The following MACF1 variants were observed in gnomAD, a reference collection of about 807,000 sequenced individuals.
The protein encoded by MACF1 is microtubule-actin cross-linking factor 1.
MACF1 carries 193 observed loss-of-function variants against 854.8 expected under a neutral mutation model. The observed-to-expected ratio is 0.23, with a 90% confidence interval of 0.20 to 0.25. MACF1 has a LOEUF of 0.25. Among genes scored for constraint, MACF1 ranks in the 10% least tolerant of loss-of-function variants. The pLI is 1.00. For missense variants in MACF1, 7,722 were observed against 8,929.1 expected (o/e 0.86, Z 5.45); for synonymous variants, 3,185 against 3,226.7 (o/e 0.99, Z 0.44).
intron 58 of MACF1, among the ~76,000 whole-genome samples, chr1:39,401,883 T>C (rs550465361): frequency 6.6e-6 from 1 of 152,342 alleles, no homozygotes; most frequent in South Asian, 2.1e-4. Context: ...AAATCTCTTC[T>C]CTCTGTATTA....
intron 18 of MACF1, among the ~76,000 whole-genome samples, chr1:39,294,609 A>C (rs548637118): frequency 3.3e-5 from 5 of 152,346 alleles, no homozygotes; most frequent in Admixed American, 3.3e-4. Context: ...GCTTCACAGA[A>C]GAGCTATTTA....
Position 39,331,401 on chromosome 1 carries a change from A to AAT in MACF1, c.4814_4815dup (p.Pro1606IlefsTer17). 1 of 1,613,998 alleles carries AAT rather than the reference A, an allele frequency of 6.2e-7. No individual in the cohort carries two copies. The highest frequency in any genetic ancestry group is 8.5e-7 in the Non-Finnish European group (1 of 1,179,994). On this transcript the variant is annotated frameshift_variant, in exon 37 of 101. Transcript: ENST00000564288. LOFTEE classifies it high-confidence loss of function. ...GGAGGGCATAGCCAGAAACCTCATT[A>AAT]ATCCCCAGATGTACCAGCAGCTCCG...
At chr1:39,111,587 T>C (rs1323236113) in intron 2 of MACF1, among the ~76,000 whole-genome samples, 1 of 152,076 alleles carries the variant, frequency 6.6e-6, no homozygotes, top group Non-Finnish European at 1.5e-5. Context: ...TTCACCGTGT[T>C]AGCCAGGATG....
intron 2 of MACF1, among the ~76,000 whole-genome samples, chr1:39,140,080 A>G (rs1398359159): frequency 1.3e-5 from 2 of 151,950 alleles, no homozygotes; most frequent in East Asian, 3.9e-4. Context: ...CAGCCTCCTG[A>G]GTAGCTAGGA....
At chr1:39,461,317 A>C (rs1413641743) in intron 92 of MACF1, among the ~76,000 whole-genome samples, 3 of 152,146 alleles carry the variant, frequency 2.0e-5, no homozygotes, top group African/African-American at 7.2e-5. Context: ...GGAGTGGATG[A>C]GTATATTCTT....
chr1:39,331,348 C>G lies in MACF1; in HGVS notation c.4760C>G (p.Pro1587Arg). 1.2e-6 allele frequency: 2 copies of G among 1,614,024 alleles called. No homozygotes were observed. Among genetic ancestry groups the G allele is most frequent in the Non-Finnish European group, 1.7e-6 (2 of 1,180,008 alleles). ...GTTATCATGTCTGGCCTCATTGCCC[C>G]TGAGACGGGTGAAAACCTCTCTTTG... ...SQVIMSGLIA[P>R]ETGENLSLEE... The change falls in exon 37 of 101, where the codon CCT (proline) becomes CGT (arginine). Residue 1587 changes from proline to arginine, a missense_variant. Pro to Arg is a moderately radical substitution (Grantham distance 103). Around this residue, in one of 15 missense-constraint regions of MACF1, gnomAD observed 1,531 missense variants for 1,601.6 expected, o/e 0.96. Transcript: ENST00000564288.
At chr1:39,375,286 C>T (rs973719851) in intron 52 of MACF1, among the ~76,000 whole-genome samples, 1 of 151,708 alleles carries the variant, frequency 6.6e-6, no homozygotes, top group African/African-American at 2.4e-5. Flanking sequence ...GACAGCTTCA[C>T]CATCTAATTT....
intron 58 of MACF1, chr1:39,414,584 T>G (rs911676764): frequency 1.3e-6 from 2 of 1,523,746 alleles, no homozygotes. Flanking sequence ...TTGTTCTTTT[T>G]GGGTCTCCCG....
intron 6 of MACF1, among the ~76,000 whole-genome samples, chr1:39,272,267 C>A (rs1371094061): frequency 6.6e-6 from 1 of 152,208 alleles, no homozygotes; most frequent in Non-Finnish European, 1.5e-5. Flanking sequence ...TCTCACTGGT[C>A]CCTGAAGGAA....
At chr1:39,206,080 CTTA>C (rs1252913349) in intron 1 of MACF1, among the ~76,000 whole-genome samples, 1 of 152,110 alleles carries the variant, frequency 6.6e-6, no homozygotes. Flanking sequence ...GATTTGATGG[CTTA>C]TTATTTAGCT....
At chr1:39,126,301 C>T (rs1213005628) in intron 2 of MACF1, among the ~76,000 whole-genome samples, 1 of 152,120 alleles carries the variant, frequency 6.6e-6, no homozygotes, top group South Asian at 2.1e-4. Flanking sequence ...GTTCTCTCAC[C>T]GCCTTCACAT....
chr1:39,406,893 G>A (rs1642737597), intron 58 of MACF1, among the ~76,000 whole-genome samples: 1 of 152,116 alleles, frequency 6.6e-6, no homozygotes, highest in South Asian at 2.1e-4. Context: ...TATTTGGCCA[G>A]GGATATTTGC....
At chr1:39,340,770 A>C (rs567541548) in intron 39 of MACF1, 34 bp from the exon 40 acceptor site, 2 of 1,611,926 alleles carry the variant, frequency 1.2e-6, no homozygotes, top group African/African-American at 2.7e-5. Flanking sequence ...TGGCTGGGAG[A>C]TTTTCATAAT....
intron 66 of MACF1, among the ~76,000 whole-genome samples, chr1:39,432,279 G>A (rs746802611): frequency 2.0e-5 from 3 of 152,184 alleles, no homozygotes; most frequent in Non-Finnish European, 4.4e-5. Flanking sequence ...TTCTTTTGAA[G>A]GGGATTGATA....
chr1:39,310,211 T>C (rs1052974944), intron 24 of MACF1, 34 bp from the exon 25 acceptor site: 10 of 1,552,826 alleles, frequency 6.4e-6, no homozygotes, highest in Non-Finnish European at 7.9e-6. Flanking sequence ...ACATTTTTAT[T>C]CTGTTGCAAT....
At chr1:39,241,346 G>T (rs751957001) in intron 2 of MACF1, among the ~76,000 whole-genome samples, 2 of 152,096 alleles carry the variant, frequency 1.3e-5, no homozygotes, top group Non-Finnish European at 2.9e-5. Flanking sequence ...AAGATTTCTA[G>T]ATCAAGTTTT....
chr1:39,355,380 C>G (rs780377724), intron 44 of MACF1, among the ~76,000 whole-genome samples: 1 of 151,312 alleles, frequency 6.6e-6, no homozygotes, highest in Non-Finnish European at 1.5e-5. Flanking sequence ...GATATACAGA[C>G]AAGGTTGTAG....
At chr1:39,398,014 C>T (rs942219896) in intron 58 of MACF1, among the ~76,000 whole-genome samples, 25 of 151,990 alleles carry the variant, frequency 1.6e-4, no homozygotes, top group Non-Finnish European at 1.5e-5. Context: ...ATAACTTGTT[C>T]GAGCCACATA....
intron 18 of MACF1, among the ~76,000 whole-genome samples, chr1:39,293,985 C>T (rs1215111313): frequency 6.6e-6 from 1 of 152,044 alleles, no homozygotes; most frequent in Admixed American, 6.6e-5. Context: ...GTCATTTAAT[C>T]TCTCTGGACC....
Sources: gnomAD v4.1 joint callset for allele counts (sites outside exome capture counted in the v4.1 genomes callset) on GRCh38, gnomAD v4.1.1 for gene constraint, gnomAD v4.1.1 regional missense constraint, MANE v1.5 for transcripts, NCBI Gene and HGNC (gene_info 2026-07-23, HGNC 2026-07-21) for gene names.